The following ERC2 variants were observed in gnomAD, a reference collection of about 807,000 sequenced individuals.
The protein encoded by ERC2 is ERC protein 2.
Under a neutral mutation model 114.8 loss-of-function variants are expected in ERC2, and 42 were observed. That is an observed-to-expected ratio of 0.37 (90% CI 0.29 to 0.47). The LOEUF is 0.47. ERC2 is among the 20% of genes least tolerant of loss of function. ERC2 has a pLI of 0.99. For missense variants in ERC2, 939 were observed against 1,150.7 expected, an observed-to-expected ratio of 0.82 and a Z score of 2.66; for synonymous variants, 454 against 425.5, an observed-to-expected ratio of 1.07 and a Z score of -0.82.
chr3:55,753,503 T>G (rs573700862), intron 14 of ERC2, among the ~76,000 whole-genome samples: 1 of 152,344 alleles, frequency 6.6e-6, no homozygotes, highest in South Asian at 2.1e-4. Context: ...CACAAAGCTG[T>G]GGCCCCCTGG....
At chr3:55,534,097 G>A (rs1200739893) in intron 17 of ERC2, among the ~76,000 whole-genome samples, 1 of 152,170 alleles carries the variant, frequency 6.6e-6, no homozygotes, top group Non-Finnish European at 1.5e-5. Context: ...CTGGATGGAT[G>A]TGAAGATGTG....
At chr3:55,607,797 T>A (rs1161724920) in intron 17 of ERC2, 1 of 152,128 alleles carries the variant, frequency 6.6e-6, no homozygotes, top group African/African-American at 2.4e-5. Context: ...GGTATCACAA[T>A]ACGGGAGCCC....
chr3:56,349,565 C>T (rs1446336588), intron 2 of ERC2, among the ~76,000 whole-genome samples: 1 of 152,178 alleles, frequency 6.6e-6, no homozygotes, highest in Non-Finnish European at 1.5e-5. Flanking sequence ...CAATAGACAG[C>T]AGGGCCTACT....
chr3:56,033,521 C>A (rs2074606598), intron 7 of ERC2, among the ~76,000 whole-genome samples: 1 of 152,090 alleles, frequency 6.6e-6, no homozygotes, highest in Non-Finnish European at 1.5e-5. Flanking sequence ...TCTTTCATTT[C>A]AACTTAAAGA....
chr3:56,315,782 T>G (rs527475167), intron 2 of ERC2, among the ~76,000 whole-genome samples: 30 of 152,116 alleles, frequency 2.0e-4, no homozygotes, highest in Admixed American at 1.8e-3. Context: ...CTTTCAAATT[T>G]GAGTCTGGAA....
intron 2 of ERC2, among the ~76,000 whole-genome samples, chr3:56,298,126 T>C (rs975043314): frequency 2.0e-5 from 3 of 152,178 alleles, no homozygotes; most frequent in Admixed American, 6.5e-5. Context: ...ACACAATAAA[T>C]TTTTTAACAT....
At chr3:55,752,988 T>C (rs1214306606) in intron 14 of ERC2, among the ~76,000 whole-genome samples, 1 of 152,158 alleles carries the variant, frequency 6.6e-6, no homozygotes, top group Non-Finnish European at 1.5e-5. Context: ...TTCATTTGAT[T>C]GTATATTTAT....
At chr3:55,561,254 C>T (rs556132410) in intron 17 of ERC2, among the ~76,000 whole-genome samples, 2 of 152,050 alleles carry the variant, frequency 1.3e-5, no homozygotes, top group Admixed American at 6.5e-5. Context: ...GCTATATGAC[C>T]TTTGGCAAAT....
At position 55,880,915 on chromosome 3, in the gene ERC2, G is replaced by A. The variant is rs535646639; in HGVS notation, c.2564+7474C>T. Among the ~76,000 whole-genome samples the A allele has an allele frequency of 2.6e-3, 393 of 152,080 alleles. 2 individuals are homozygous for A. The highest frequency in any genetic ancestry group is 9.0e-3 in the African/African-American group (374 of 41,494). On this transcript the variant is annotated intron_variant, in intron 14 of 17. Transcript: ENST00000288221. ...CATACTAATATATGTATAGCCTTTT[G>A]TGGGTTAAAAATCACTTTCTCATGA...
intron 17 of ERC2, among the ~76,000 whole-genome samples, chr3:55,609,242 C>T (rs1183984079): frequency 6.6e-6 from 1 of 152,208 alleles, no homozygotes; most frequent in African/African-American, 2.4e-5. Flanking sequence ...TTTGCCCCCA[C>T]TTTTATTTAA....
chr3:55,657,209 T>A (rs894949269), intron 17 of ERC2: 1 of 152,140 alleles, frequency 6.6e-6, no homozygotes, highest in African/African-American at 2.4e-5. Flanking sequence ...CATTTTGTTT[T>A]TTTTTTTGCT....
At chr3:56,288,212 T>C (rs549445285) in intron 3 of ERC2, among the ~76,000 whole-genome samples, 1 of 152,310 alleles carries the variant, frequency 6.6e-6, no homozygotes, top group East Asian at 1.9e-4. Flanking sequence ...CTTGGGGTAC[T>C]TTCTCACTGC....
At chr3:56,304,318 T>C (rs956379583) in intron 2 of ERC2, among the ~76,000 whole-genome samples, 2 of 152,146 alleles carry the variant, frequency 1.3e-5, no homozygotes. Context: ...TACTGTTAAC[T>C]TTGGGCCAAC....
At chr3:56,327,685 A>G (rs1338713911) in intron 2 of ERC2, among the ~76,000 whole-genome samples, 1 of 152,100 alleles carries the variant, frequency 6.6e-6, no homozygotes, top group Non-Finnish European at 1.5e-5. Context: ...CAATCAATCA[A>G]TCAATCAATA....
intron 2 of ERC2, among the ~76,000 whole-genome samples, chr3:56,313,001 C>CAT (rs3055903): frequency 0.023 from 1,029 of 43,822 alleles, 42 homozygotes; most frequent in African/African-American, 0.05. Context: ...TATGTATATT[C>CAT]ATATATATAT....
chr3:55,675,264 G>A (rs976148901), intron 17 of ERC2, among the ~76,000 whole-genome samples: 1 of 152,208 alleles, frequency 6.6e-6, no homozygotes, highest in East Asian at 1.9e-4. Flanking sequence ...TGACAAACAT[G>A]TTCATGGGGA....
At chr3:55,816,807 C>A (rs2059920437) in intron 14 of ERC2, among the ~76,000 whole-genome samples, 4 of 152,090 alleles carry the variant, frequency 2.6e-5, no homozygotes, top group African/African-American at 9.7e-5. Context: ...GCAGGCAAAG[C>A]AGGCCTAAAG....
intron 17 of ERC2, among the ~76,000 whole-genome samples, chr3:55,680,557 T>A (rs78477793): frequency 9.0e-4 from 137 of 152,342 alleles, no homozygotes; most frequent in Non-Finnish European, 1.6e-3. Flanking sequence ...CTGCTTTTTC[T>A]GCATTTTGCA....
At chr3:56,046,659 G>T (rs1486959941) in intron 7 of ERC2, among the ~76,000 whole-genome samples, 1 of 152,130 alleles carries the variant, frequency 6.6e-6, no homozygotes, top group Non-Finnish European at 1.5e-5. Flanking sequence ...CAGCATAAAT[G>T]AAACAAATTC....
Sources: gnomAD v4.1 joint callset for allele counts (sites outside exome capture counted in the v4.1 genomes callset) on GRCh38, gnomAD v4.1.1 for gene constraint, MANE v1.5 for transcripts, NCBI Gene and HGNC (gene_info 2026-07-23, HGNC 2026-07-21) for gene names.